Variants in LONP1 observed in about 807,000 individuals in gnomAD.
The protein encoded by LONP1 is lon protease homolog, mitochondrial.
LONP1 carries 31 observed loss-of-function variants against 98.5 expected under a neutral mutation model. The ratio of observed to expected loss-of-function variants is 0.31; its 90% CI spans 0.24 to 0.42. The LOEUF is 0.42. LONP1 is among the 20% of genes least tolerant of loss of function. LONP1 has a pLI of 1.00. For synonymous variants in LONP1, 781 were observed against 594.7 expected (o/e 1.31, Z -4.56); for missense variants, 1,336 against 1,350.6 (o/e 0.99, Z 0.17).
Position 5,707,774 on chromosome 19 carries a change from T to C in LONP1, c.985A>G (p.Ile329Val). Residue 329 changes from isoleucine to valine, a missense_variant, in exon 6 of 18, where the codon ATC becomes GTC. Physicochemically the swap from Ile to Val is conservative, Grantham distance 29. Transcript: ENST00000360614. The part of the protein sequence containing the change: ...QAGQRVVDNP[I>V]YLSDMGAALT... ...GCGGCGCCCATGTCGCTCAGGTAGA[T>C]GGGGTTGTCCACCACCCGCTGGCCA... The C allele has an allele frequency of 6.2e-7, 1 of 1,613,140 alleles. No individual in the cohort carries two copies. The highest frequency in any genetic ancestry group is 8.5e-7 in the Non-Finnish European group (1 of 1,179,890).
At position 5,705,880 on chromosome 19, in the gene LONP1, T is replaced by A. The variant is rs1362643926; in HGVS notation, c.1259A>T (p.Lys420Met). Residue 420 changes from lysine (K) to methionine (M), a missense_variant, in exon 8 of 18, where the codon AAG becomes ATG. Around this residue, in one of 5 missense-constraint regions of LONP1, gnomAD observed 219 missense variants for 241.0 expected, o/e 0.91. Coordinates refer to ENST00000360614, the MANE Select transcript of LONP1 (RefSeq NM_004793.4). ...GAGCTCCTTCAGGCGCTCCCGGAAC[T>A]TCTCCTCGATGGCATCCTTGTCGTC... ...EKDDKDAIEE[K>M]FRERLKELVV... 6.2e-7 allele frequency: 1 copy of A among 1,614,194 alleles called. No homozygotes were observed. Among genetic ancestry groups the A allele is most frequent in the South Asian group, 1.1e-5 (1 of 91,092 alleles).
rs1568309722 is a variant in LONP1, at chr19:5,693,424, G to A, written c.2577C>T (p.Thr859=). Residue 859 remains threonine (T), a synonymous_variant, in exon 17 of 18, where the codon ACC becomes ACT. Coordinates refer to ENST00000360614, the MANE Select transcript of LONP1 (RefSeq NM_004793.4). ...CCAGGGACAGCAGGGCCGTGACGAT[G>A]GTGCAGCCTGCGCTTGGGCCGTCCT... ...TPKDGPSAGC[T]IVTALLSLAM... 1 of 1,612,432 alleles carries A rather than the reference G, an allele frequency of 6.2e-7. No individual in the cohort carries two copies. Among genetic ancestry groups the A allele is most frequent in the Non-Finnish European group, 8.5e-7 (1 of 1,179,202 alleles).
At chr19:5,715,349 T>TA (rs1555713933) in intron 1 of LONP1, among the ~76,000 whole-genome samples, 12 of 150,634 alleles carry the variant, frequency 8.0e-5, no homozygotes, top group Non-Finnish European at 1.0e-4. Context: ...TTTTTTTTTT[T>TA]AATAAAGTTT....
rs545249853 is a variant in LONP1, at chr19:5,702,061, G to A, written c.1368-1134C>T. Among the ~76,000 whole-genome samples, 71 of 146,448 alleles carry A rather than the reference G, an allele frequency of 4.8e-4. 1 individual carries two copies. The highest frequency in any genetic ancestry group is 9.5e-4 in the Admixed American group (14 of 14,668). ...AGCGTCTCCGCCCAGCAGCCACCCC[G>A]TCCGGGAGGGAGGTGGGGGGGTCAG... On this transcript the variant is annotated intron_variant, in intron 8 of 17. Transcript: ENST00000360614.
At chr19:5,702,665 C>T (rs2055075766) in intron 8 of LONP1, among the ~76,000 whole-genome samples, 1 of 152,194 alleles carries the variant, frequency 6.6e-6, no homozygotes, top group Admixed American at 6.5e-5. Context: ...TCATTTTGTT[C>T]TGTACTAAGA....
At chr19:5,697,888 G>C (rs565849362) in intron 10 of LONP1, among the ~76,000 whole-genome samples, 1 of 151,982 alleles carries the variant, frequency 6.6e-6, no homozygotes. Context: ...CTCTCCTCCG[G>C]CCCGCACCTC....
At chr19:5,701,044 T>C (rs1316731776) in intron 8 of LONP1, 117 bp from the exon 9 acceptor site, 4 of 1,164,268 alleles carry the variant, frequency 3.4e-6, no homozygotes, top group East Asian at 2.4e-5. Context: ...CTGAGCGCGG[T>C]GGCTCACGCC....
intron 1 of LONP1, among the ~76,000 whole-genome samples, chr19:5,718,849 A>G (rs2145639880): frequency 6.6e-6 from 1 of 152,052 alleles, no homozygotes; most frequent in African/African-American, 2.4e-5. Flanking sequence ...GAAATGATCT[A>G]ATTTCTACCA....
Position 5,694,860 on chromosome 19 carries a change from A to G in LONP1, c.2055T>C (p.Asp685=), listed in dbSNP as rs2054897877. 3.1e-6 allele frequency: 5 copies of G among 1,602,262 alleles called. No individual in the cohort carries two copies. Among genetic ancestry groups the G allele is most frequent in the Non-Finnish European group, 4.3e-6 (5 of 1,171,292 alleles). ...CCGATGACAGCTTGGCCTTGCTCTC[A>G]TCCAAGCCACACAGGGCGCGAGCCT... ...VPQARALCGL[D]ESKAKLSSDV... The change falls in exon 14 of 18, where the codon GAT becomes GAC. Residue 685 remains aspartate (D), a synonymous_variant. Transcript: ENST00000360614.
At chr19:5,704,750 G>A (rs925749622) in intron 8 of LONP1, among the ~76,000 whole-genome samples, 2 of 152,212 alleles carry the variant, frequency 1.3e-5, no homozygotes, top group African/African-American at 2.4e-5. Flanking sequence ...AGTGGCCCCC[G>A]GGCAAGGCCA....
intron 8 of LONP1, among the ~76,000 whole-genome samples, chr19:5,704,204 G>A (rs988957783): frequency 6.6e-6 from 1 of 152,222 alleles, no homozygotes. Context: ...CGAGGGATGC[G>A]GGCGCCTCCA....
At chr19:5,704,139 G>C (rs562566796) in intron 8 of LONP1, among the ~76,000 whole-genome samples, 4 of 152,282 alleles carry the variant, frequency 2.6e-5, no homozygotes, top group East Asian at 1.9e-4. Flanking sequence ...TGGGAGGTGA[G>C]AGACTGACTG....
intron 8 of LONP1, among the ~76,000 whole-genome samples, chr19:5,704,837 C>A (rs1040628485): frequency 5.9e-5 from 9 of 152,242 alleles, no homozygotes; most frequent in African/African-American, 2.2e-4. Context: ...CTTGCAAAGA[C>A]AGCCATGGGG....
intron 8 of LONP1, among the ~76,000 whole-genome samples, chr19:5,701,241 C>A (rs962599492): frequency 6.6e-6 from 1 of 152,198 alleles, no homozygotes; most frequent in Non-Finnish European, 1.5e-5. Flanking sequence ...GTCAGGAGAT[C>A]GAGACCATCC....
chr19:5,698,165 C>T (rs1364273413), intron 10 of LONP1, among the ~76,000 whole-genome samples: 1 of 151,904 alleles, frequency 6.6e-6, no homozygotes, highest in African/African-American at 2.4e-5. Flanking sequence ...TCAGAGTGGC[C>T]GCCCCCTGGG....
Position 5,694,755 on chromosome 19 carries a change from G to GA in LONP1, c.2154+5_2154+6insT. 1 of 1,586,184 alleles carries GA rather than the reference G, an allele frequency of 6.3e-7. No homozygotes were observed. The highest frequency in any genetic ancestry group is 8.6e-7 in the Non-Finnish European group (1 of 1,158,274). On this transcript the variant is annotated splice_donor_region_variant and intron_variant, in intron 14 of 17. Transcript: ENST00000360614. ...CAGGTGCCAGGAGGGCGGGCTGGCC[G>GA]CTCACCTTCTCCACTTGCTTCTGCA...
chr19:5,691,950 A>C lies in LONP1; in HGVS notation c.*82T>G, dbSNP rs528960981. ...CTGCTCGCTCGGTGGCTCCACTGCC[A>C]GGTCCGGGCGCGCTCCCCACAGCGC... On this transcript the variant is annotated 3_prime_UTR_variant, in exon 18 of 18. Coordinates refer to ENST00000360614, the MANE Select transcript of LONP1 (RefSeq NM_004793.4). The C allele has an allele frequency of 5.2e-5, 46 of 881,038 alleles. No homozygotes were observed. In the East Asian group the frequency reaches 1.2e-3, roughly 23 times the overall value. 54.6% of individuals were successfully genotyped at this position (881,038 alleles called of 1,614,324 possible).
intron 9 of LONP1, among the ~76,000 whole-genome samples, chr19:5,699,618 T>C (rs1370520649): frequency 6.9e-6 from 1 of 144,370 alleles, no homozygotes; most frequent in East Asian, 2.0e-4. Flanking sequence ...AGTGTACTGG[T>C]GCGATCTCAT....
At chr19:5,696,906 CG>C (rs1317218369) in intron 10 of LONP1, 149 bp from the exon 11 acceptor site, 1 of 611,256 alleles carries the variant, frequency 1.6e-6, no homozygotes, top group Non-Finnish European at 2.9e-6. Flanking sequence ...TGGCAGCCGC[CG>C]GATGTGTGGC....
Sources: gnomAD v4.1 joint callset for allele counts (sites outside exome capture counted in the v4.1 genomes callset) on GRCh38, gnomAD v4.1.1 for gene constraint, gnomAD v4.1.1 regional missense constraint, MANE v1.5 for transcripts, NCBI Gene and HGNC (gene_info 2026-07-23, HGNC 2026-07-21) for gene names.